TULP4: variants seen among roughly 807,000 people sequenced by gnomAD.
TULP4 encodes the protein TUB like protein 4.
TULP4 carries 16 observed loss-of-function variants against 129.0 expected under a neutral mutation model. That is an observed-to-expected ratio of 0.12 (90% CI 0.08 to 0.19). The LOEUF (loss-of-function observed/expected upper bound fraction) is 0.19, where lower values mean the gene tolerates loss of function less well. Among genes scored for constraint, TULP4 ranks in the 10% least tolerant of loss-of-function variants. The pLI is 1.00. For missense variants in TULP4, 1,842 were observed against 2,059.1 expected (o/e 0.89, Z 2.04); for synonymous variants, 998 against 854.0 (o/e 1.17, Z -2.94).
intron 3 of TULP4, among the ~76,000 whole-genome samples, chr6:158,440,375 C>T (rs2115097460): frequency 6.7e-6 from 1 of 149,446 alleles, no homozygotes; most frequent in South Asian, 2.1e-4. Flanking sequence ...TCTCAATGGT[C>T]AGCTTCTACA....
chr6:158,342,594 AT>A (rs1275810159), intron 1 of TULP4, among the ~76,000 whole-genome samples: 3 of 152,324 alleles, frequency 2.0e-5, no homozygotes, highest in African/African-American at 7.2e-5. Flanking sequence ...TGTGTTTTAA[AT>A]TTTGTATTTG....
intron 2 of TULP4, among the ~76,000 whole-genome samples, chr6:158,416,509 T>G (rs1778212419): frequency 1.3e-5 from 2 of 152,090 alleles, no homozygotes; most frequent in Admixed American, 1.3e-4. Context: ...AAGAAAAACA[T>G]AATTTGGTAC....
At chr6:158,506,325 AG>A (rs200933899) in intron 13 of TULP4, among the ~76,000 whole-genome samples, 5,545 of 128,130 alleles carry the variant, frequency 0.043, 140 homozygotes, top group Middle Eastern at 0.12. Context: ...TCCACCTCCC[AG>A]GTTTACACCA....
chr6:158,457,296 A>G (rs151156860), intron 5 of TULP4, among the ~76,000 whole-genome samples: 73 of 152,354 alleles, frequency 4.8e-4, no homozygotes, highest in African/African-American at 1.5e-3. Context: ...CGACCTGTGC[A>G]AAAGAACCTA....
At chr6:158,277,697 G>C (rs1778671684), upstream of TULP4, among the ~76,000 whole-genome samples, 1 of 152,206 alleles carries the variant, frequency 6.6e-6, no homozygotes, top group South Asian at 2.1e-4. Context: ...TGGTGGCCTG[G>C]AGGGTAACTT....
chr6:158,386,980 T>G (rs1194683172), intron 1 of TULP4, among the ~76,000 whole-genome samples: 1 of 151,764 alleles, frequency 6.6e-6, no homozygotes, highest in Non-Finnish European at 1.5e-5. Context: ...AATGAACAGG[T>G]GAGAAAAATT....
At chr6:158,368,066 C>CAAAAAAAAAAAAAAAAAAAAAA (rs3085241) in intron 1 of TULP4, among the ~76,000 whole-genome samples, 17 of 65,018 alleles carry the variant, frequency 2.6e-4, no homozygotes, top group Non-Finnish European at 2.9e-4. Flanking sequence ...ACCCTGTCTC[C>CAAAAAAAAAAAAAAAAAAAAAA]AAAAAAAAAA....
At chr6:158,455,882 G>T (rs552401365) in intron 5 of TULP4, among the ~76,000 whole-genome samples, 7 of 152,302 alleles carry the variant, frequency 4.6e-5, no homozygotes, top group Admixed American at 6.5e-5. Context: ...CTCTCTGAAG[G>T]TTCCCTGAAA....
intron 1 of TULP4, among the ~76,000 whole-genome samples, chr6:158,264,259 G>A (rs1778406861): frequency 6.6e-6 from 1 of 152,276 alleles, no homozygotes; most frequent in South Asian, 2.1e-4. Context: ...CGGGCTCTGA[G>A]GTGGTGAGGG....
intron 1 of TULP4, among the ~76,000 whole-genome samples, chr6:158,333,536 A>C (rs1010248382): frequency 6.6e-6 from 1 of 152,246 alleles, no homozygotes; most frequent in Non-Finnish European, 1.5e-5. Context: ...AGAAAAGTTC[A>C]GAATTTGCTT....
chr6:158,444,046 C>G (rs111986376), intron 3 of TULP4, among the ~76,000 whole-genome samples: 3 of 151,094 alleles, frequency 2.0e-5, no homozygotes, highest in Admixed American at 1.3e-4. Context: ...GGTGAAACCC[C>G]GTCTCTACTA....
At chr6:158,394,812 A>AAAAAAAAAAAAAAAAAAAC (rs1777667948) in intron 1 of TULP4, among the ~76,000 whole-genome samples, 1 of 148,436 alleles carries the variant, frequency 6.7e-6, no homozygotes, top group Non-Finnish European at 1.5e-5. Context: ...AAAAAAAAAA[A>AAAAAAAAAAAAAAAAAAAC]AAGGAACTAC....
At chr6:158,476,971 G>GCC (rs1240889996) in intron 6 of TULP4, among the ~76,000 whole-genome samples, 1 of 152,162 alleles carries the variant, frequency 6.6e-6, no homozygotes, top group Admixed American at 6.5e-5. Flanking sequence ...GCCTGCCTTA[G>GCC]CCTCTCTAAC....
At chr6:158,464,543 C>T (rs987622883) in intron 6 of TULP4, among the ~76,000 whole-genome samples, 1 of 152,180 alleles carries the variant, frequency 6.6e-6, no homozygotes, top group Non-Finnish European at 1.5e-5. Flanking sequence ...AGTGTAGTGG[C>T]GCGATCTCAG....
At chr6:158,300,234 C>A (rs974952379) in intron 1 of TULP4, among the ~76,000 whole-genome samples, 1 of 152,200 alleles carries the variant, frequency 6.6e-6, no homozygotes, top group African/African-American at 2.4e-5. Context: ...CAAGCATACC[C>A]TCTTCCCCAC....
At chr6:158,255,720 C>T (rs1387135372) in intron 1 of TULP4, among the ~76,000 whole-genome samples, 1 of 152,190 alleles carries the variant, frequency 6.6e-6, no homozygotes, top group African/African-American at 2.4e-5. Flanking sequence ...ATGCTTGGCA[C>T]CCACTAACCT....
At position 158,314,416 on chromosome 6, in the gene TULP4, C is replaced by T. The variant is rs1011304483; in HGVS notation, c.252+148C>T. ...GTGAGTTCTGTCTCTTATTCTCTGG[C>T]AGAAAAGATGCTAAGATGGACATAG... On this transcript the variant is annotated intron_variant, in intron 1 of 13. Coordinates refer to ENST00000367097, the MANE Select transcript of TULP4 (RefSeq NM_020245.5). 5.7e-5 allele frequency: 37 copies of T among 649,814 alleles called. No individual in the cohort carries two copies. The African/African-American group carries it at 1.1e-3, about 19-fold the overall frequency. 40.3% of individuals were successfully genotyped at this position (649,814 alleles called of 1,614,324 possible). A position where few individuals can be genotyped will look rare whatever the true frequency, so the allele number is the denominator to read the frequency against.
intron 5 of TULP4, among the ~76,000 whole-genome samples, chr6:158,460,862 C>A (rs1366719971): frequency 6.6e-6 from 1 of 151,442 alleles, no homozygotes; most frequent in Non-Finnish European, 1.5e-5. Context: ...GCAGTGGGAC[C>A]AGTACTTATA....
chr6:158,245,093 T>A (rs1778002532), intron 1 of TULP4, among the ~76,000 whole-genome samples: 1 of 151,708 alleles, frequency 6.6e-6, no homozygotes, highest in Non-Finnish European at 1.5e-5. Flanking sequence ...GTTCAAGCAA[T>A]CCTCCTCCCT....
Sources: gnomAD v4.1 joint callset for allele counts (sites outside exome capture counted in the v4.1 genomes callset) on GRCh38, gnomAD v4.1.1 for gene constraint, MANE v1.5 for transcripts, NCBI Gene and HGNC (gene_info 2026-07-23, HGNC 2026-07-21) for gene names.